RALGPS1: variants seen among roughly 807,000 people sequenced by gnomAD.
RALGPS1 encodes ras-specific guanine nucleotide-releasing factor RalGPS1.
In RALGPS1, 19 loss-of-function variants were observed where a neutral mutation model predicts 78.8. The observed-to-expected ratio is 0.24, with a 90% CI of 0.17 to 0.35. RALGPS1 has a LOEUF of 0.35. Ranked by LOEUF, RALGPS1 falls within the 10% of genes least tolerant of loss-of-function variation. The pLI is 1.00. For synonymous variants in RALGPS1, 228 were observed against 256.3 expected, an observed-to-expected ratio of 0.89 and a Z score of 1.06; for missense variants, 454 against 688.3, an observed-to-expected ratio of 0.66 and a Z score of 3.81.
At chr9:126,997,546 C>T (rs1423466561) in intron 4 of RALGPS1, among the ~76,000 whole-genome samples, 1 of 152,166 alleles carries the variant, frequency 6.6e-6, no homozygotes, top group Non-Finnish European at 1.5e-5. Flanking sequence ...AAGAACATTC[C>T]ATGCTCATGG....
chr9:126,924,955 G>GTC (rs1478092570), intron 1 of RALGPS1, among the ~76,000 whole-genome samples: 1 of 151,802 alleles, frequency 6.6e-6, no homozygotes, highest in Non-Finnish European at 1.5e-5. Context: ...GAGAAACCCC[G>GTC]TCTCTACTAA....
At chr9:127,045,640 G>A (rs1436578983) in intron 5 of RALGPS1, among the ~76,000 whole-genome samples, 1 of 152,086 alleles carries the variant, frequency 6.6e-6, no homozygotes, top group Non-Finnish European at 1.5e-5. Flanking sequence ...TACGGTTGGA[G>A]ACATCAGTAT....
At position 127,082,353 on chromosome 9, in the gene RALGPS1, G is replaced by T. The variant is rs2051262201; in HGVS notation, c.610+12997G>T. Among the ~76,000 whole-genome samples the T allele has an allele frequency of 2.6e-5, 4 of 152,200 alleles. No homozygotes were observed. In the South Asian group the frequency reaches 8.3e-4, roughly 32 times the overall value. On this transcript the variant is annotated intron_variant, in intron 8 of 18. Transcript: ENST00000259351. The stretch of plus-strand genomic sequence containing the variant: ...GGAACATTCTCCAGCACTGCCCCTT[G>T]TTACTCCGTGTCCATTGTTTGAGAT...
chr9:127,042,507 A>G (rs2047405414), intron 5 of RALGPS1, among the ~76,000 whole-genome samples: 1 of 152,202 alleles, frequency 6.6e-6, no homozygotes, highest in Admixed American at 6.5e-5. Flanking sequence ...TAGGAATAGA[A>G]CAGAACTTCT....
At position 127,069,613 on chromosome 9, in the gene RALGPS1, C is replaced by T; in HGVS notation, c.610+257C>T. The T allele has an allele frequency of 5.1e-5, 20 of 390,814 alleles. No homozygotes were observed. In the South Asian group the frequency reaches 5.7e-4, roughly 11 times the overall value. 24.2% of individuals were successfully genotyped at this position (390,814 alleles called of 1,614,324 possible). Reference sequence around the variant, plus strand: ...CCCCAGGGTTCCCCAGGCTGCAGCCCAGATGGGTCACAATGAGAGTGATAA... The same window carrying T: ...CCCCAGGGTTCCCCAGGCTGCAGCCTAGATGGGTCACAATGAGAGTGATAA... On this transcript the variant is annotated intron_variant, in intron 8 of 18. Coordinates refer to ENST00000259351, the MANE Select transcript of RALGPS1 (RefSeq NM_014636.3).
intron 12 of RALGPS1, among the ~76,000 whole-genome samples, chr9:127,195,481 GA>G (rs563042263): frequency 9.2e-5 from 14 of 152,318 alleles, no homozygotes; most frequent in Non-Finnish European, 1.9e-4. Flanking sequence ...AGGGTGCAGG[GA>G]AGGGCAGGGA....
chr9:126,961,401 T>C (rs999103775), intron 1 of RALGPS1, among the ~76,000 whole-genome samples: 39 of 152,294 alleles, frequency 2.6e-4, no homozygotes, highest in African/African-American at 9.1e-4. Context: ...GCATGGCATA[T>C]GGTACTATAT....
intron 12 of RALGPS1, 65 bp from the exon 13 acceptor site, chr9:127,196,409 A>G (rs2061349653): frequency 1.3e-6 from 2 of 1,528,410 alleles, no homozygotes; most frequent in Non-Finnish European, 1.8e-6. Flanking sequence ...GGCCCCAGGC[A>G]GGTGTAACCA....
chr9:127,207,743 G>T (rs890587665), intron 14 of RALGPS1, among the ~76,000 whole-genome samples: 1 of 152,170 alleles, frequency 6.6e-6, no homozygotes, highest in African/African-American at 2.4e-5. Flanking sequence ...AGCTCTGGAG[G>T]ACTCACCTGG....
chr9:127,167,763 GA>G (rs2059367817), intron 9 of RALGPS1, among the ~76,000 whole-genome samples: 1 of 152,224 alleles, frequency 6.6e-6, no homozygotes, highest in African/African-American at 2.4e-5. Flanking sequence ...CACCTCTCCA[GA>G]AAGCGAGGGT....
chr9:127,062,034 A>G (rs1416786711), intron 7 of RALGPS1, among the ~76,000 whole-genome samples: 1 of 152,232 alleles, frequency 6.6e-6, no homozygotes, highest in South Asian at 2.1e-4. Context: ...ATGTATGTGC[A>G]TATGCATGTG....
At chr9:126,928,901 C>T (rs999116329) in intron 1 of RALGPS1, among the ~76,000 whole-genome samples, 1 of 152,030 alleles carries the variant, frequency 6.6e-6, no homozygotes, top group Admixed American at 6.6e-5. Flanking sequence ...CACGCCCGGC[C>T]AAGGATACTC....
intron 4 of RALGPS1, among the ~76,000 whole-genome samples, chr9:127,002,817 G>A (rs916727899): frequency 6.6e-6 from 1 of 152,030 alleles, no homozygotes; most frequent in South Asian, 2.1e-4. Flanking sequence ...TGGTGTATAT[G>A]TGCCACATTT....
intron 8 of RALGPS1, among the ~76,000 whole-genome samples, chr9:127,135,569 C>T (rs551256755): frequency 7.2e-5 from 11 of 152,372 alleles, no homozygotes; most frequent in Admixed American, 2.0e-4. Context: ...ATCACCACCT[C>T]TGTGGGGACC....
intron 7 of RALGPS1, among the ~76,000 whole-genome samples, chr9:127,061,484 A>G (rs1002125105): frequency 6.6e-6 from 1 of 152,246 alleles, no homozygotes; most frequent in Non-Finnish European, 1.5e-5. Context: ...GGCCAAGTCA[A>G]AACCACACTT....
At chr9:126,963,761 T>C (rs1214199121) in intron 2 of RALGPS1, among the ~76,000 whole-genome samples, 2 of 152,204 alleles carry the variant, frequency 1.3e-5, no homozygotes, top group African/African-American at 4.8e-5. Context: ...AGCTGCCATG[T>C]GGGTGGGGAT....
At chr9:127,046,489 G>A (rs1347990976) in intron 5 of RALGPS1, among the ~76,000 whole-genome samples, 1 of 152,140 alleles carries the variant, frequency 6.6e-6, no homozygotes, top group Non-Finnish European at 1.5e-5. Context: ...ATATGTTCAA[G>A]TTGTTCTTCA....
chr9:127,152,663 A>C (rs2058487294), intron 8 of RALGPS1, among the ~76,000 whole-genome samples: 1 of 152,090 alleles, frequency 6.6e-6, no homozygotes, highest in Admixed American at 6.6e-5. Flanking sequence ...TAGTATATTA[A>C]ATTTCTTAGA....
chr9:126,955,127 T>C lies in RALGPS1; in HGVS notation c.-65-7098T>C, dbSNP rs140544777. 1.2e-4 allele frequency among the ~76,000 whole-genome samples: 18 copies of C among 152,360 alleles called. No individual in the cohort carries two copies. In the East Asian group the frequency reaches 1.9e-3, roughly 16 times the overall value. ...CCTTCCTTGACCATCCTGGCAAATA[T>C]CATCTTTCACCCTATTTCATTTCTT... On this transcript the variant is annotated intron_variant, in intron 1 of 18. Transcript: ENST00000259351.
Sources: gnomAD v4.1 joint callset for allele counts (sites outside exome capture counted in the v4.1 genomes callset) on GRCh38, gnomAD v4.1.1 for gene constraint, MANE v1.5 for transcripts, NCBI Gene and HGNC (gene_info 2026-07-23, HGNC 2026-07-21) for gene names.